GABPB1: variants seen among roughly 807,000 people sequenced by gnomAD.
The protein encoded by GABPB1 is GA binding protein transcription factor subunit beta 1, also known as GA-binding protein subunit beta-1.
A neutral mutation model predicts 45.9 loss-of-function variants in GABPB1; 15 were observed. That is an observed-to-expected ratio of 0.33 (90% CI 0.22 to 0.50). The LOEUF (loss-of-function observed/expected upper bound fraction) is 0.50, where lower values mean the gene tolerates loss of function less well. Ranked by LOEUF, GABPB1 falls within the 20% of genes least tolerant of loss-of-function variation. GABPB1 has a pLI of 0.98. For missense variants in GABPB1, 252 were observed against 457.5 expected (o/e 0.55, Z 4.10); for synonymous variants, 143 against 154.4 (o/e 0.93, Z 0.55).
chr15:50,284,401 TCAAAA>T (rs1253589076), intron 8 of GABPB1, among the ~76,000 whole-genome samples: 1 of 152,110 alleles, frequency 6.6e-6, no homozygotes, highest in Non-Finnish European at 1.5e-5. Flanking sequence ...ATTACTAAAA[TCAAAA>T]CAAAGCAAGC....
intron 1 of GABPB1, chr15:50,350,436 C>T (rs2048776986): frequency 1.3e-5 from 2 of 149,876 alleles, no homozygotes; most frequent in African/African-American, 2.5e-5. Context: ...AGGGAATTTC[C>T]ATGTCAGAAG....
chr15:50,292,206 C>T (rs1156971550), intron 6 of GABPB1, among the ~76,000 whole-genome samples: 2 of 146,782 alleles, frequency 1.4e-5, no homozygotes, highest in African/African-American at 2.5e-5. Flanking sequence ...CCCAGCTACT[C>T]GGGAGGCTGA....
At chr15:50,353,773 TGA>T (rs1434075617) in intron 1 of GABPB1, 15 of 152,454 alleles carry the variant, frequency 9.8e-5, no homozygotes, top group African/African-American at 3.1e-4. Context: ...GCATAATAAA[TGA>T]GAGTGGATCT....
intron 1 of GABPB1, among the ~76,000 whole-genome samples, chr15:50,331,852 C>T (rs1026558183): frequency 2.0e-5 from 3 of 150,886 alleles, no homozygotes; most frequent in Non-Finnish European, 4.4e-5. Flanking sequence ...CCATTTGTCC[C>T]GTTCAGTTTT....
chr15:50,323,352 A>T (rs1023957025), intron 1 of GABPB1, among the ~76,000 whole-genome samples: 4 of 152,154 alleles, frequency 2.6e-5, no homozygotes, highest in African/African-American at 9.7e-5. Flanking sequence ...AAAACCAATC[A>T]TAATTAATAG....
chr15:50,290,270 G>A (rs1203634845), intron 6 of GABPB1, among the ~76,000 whole-genome samples: 3 of 152,122 alleles, frequency 2.0e-5, no homozygotes, highest in Non-Finnish European at 4.4e-5. Flanking sequence ...CTAATATCAT[G>A]ACAAAGGTTA....
Position 50,283,517 on chromosome 15 carries a change from T to C in GABPB1, c.999+2551A>G, listed in dbSNP as rs534737606. 3.4e-5 allele frequency among the ~76,000 whole-genome samples: 5 copies of C among 147,944 alleles called. No homozygotes were observed. The East Asian group carries it at 5.9e-4, about 17-fold the overall frequency. Reference sequence around the variant, plus strand: ...GTAAACATAAATTTTTAGCACCTTATTGTTTTTTTTTTTTCTTTTGTCTCA... The same window carrying C: ...GTAAACATAAATTTTTAGCACCTTACTGTTTTTTTTTTTTCTTTTGTCTCA... On this transcript the variant is annotated intron_variant, in intron 8 of 8. Transcript: ENST00000380877.
chr15:50,340,887 C>CATATGGTTTATTACAATATGTA (rs1567545791), intron 1 of GABPB1, among the ~76,000 whole-genome samples: 1 of 17,140 alleles, frequency 5.8e-5, no homozygotes, highest in African/African-American at 4.6e-4. Flanking sequence ...TGTAATATTA[C>CATATGGTTTATTACAATATGTA]ATATTACATA....
At chr15:50,288,999 A>G (rs1339391829) in intron 7 of GABPB1, among the ~76,000 whole-genome samples, 1 of 151,930 alleles carries the variant, frequency 6.6e-6, no homozygotes, top group Non-Finnish European at 1.5e-5. Flanking sequence ...CTAATTTTGA[A>G]TATTTTTTTT....
intron 8 of GABPB1, among the ~76,000 whole-genome samples, chr15:50,279,532 C>G (rs1377990158): frequency 1.3e-5 from 2 of 152,090 alleles, no homozygotes; most frequent in Non-Finnish European, 2.9e-5. Flanking sequence ...AAATTGAGAG[C>G]TGAAACACAA....
intron 1 of GABPB1, among the ~76,000 whole-genome samples, chr15:50,342,931 C>T (rs1375356783): frequency 2.0e-5 from 3 of 152,250 alleles, no homozygotes; most frequent in East Asian, 3.9e-4. Context: ...GATGGAGTCT[C>T]GCTCTGTCGC....
At chr15:50,310,527 A>G (rs1391573505) in intron 1 of GABPB1, among the ~76,000 whole-genome samples, 5 of 152,270 alleles carry the variant, frequency 3.3e-5, no homozygotes, top group Non-Finnish European at 4.4e-5. Flanking sequence ...TAAACTTAGC[A>G]TAAATTTTTT....
At chr15:50,304,646 G>A (rs1177475536) in intron 2 of GABPB1, among the ~76,000 whole-genome samples, 4 of 151,776 alleles carry the variant, frequency 2.6e-5, no homozygotes, top group African/African-American at 9.7e-5. Flanking sequence ...AGGAGGCAGA[G>A]GTTGCAGTGA....
chr15:50,294,976 A>G (rs1267267634), intron 6 of GABPB1, among the ~76,000 whole-genome samples: 1 of 152,230 alleles, frequency 6.6e-6, no homozygotes, highest in African/African-American at 2.4e-5. Context: ...ACAAGGAAGA[A>G]TAAAGCTAAG....
intron 6 of GABPB1, among the ~76,000 whole-genome samples, chr15:50,293,090 ATTACAAAAAGTGTAATT>A (rs892174630): frequency 6.6e-6 from 1 of 151,966 alleles, no homozygotes; most frequent in African/African-American, 2.4e-5. Flanking sequence ...CAAAAGTGCA[ATTACAAAAAGTGTAATT>A]TTACAAAAAG....
At chr15:50,335,417 A>C (rs1567538988) in intron 1 of GABPB1, among the ~76,000 whole-genome samples, 1 of 152,114 alleles carries the variant, frequency 6.6e-6, no homozygotes, top group Non-Finnish European at 1.5e-5. Context: ...CAGAAACCTA[A>C]ATTTCTTGAT....
intron 6 of GABPB1, among the ~76,000 whole-genome samples, chr15:50,291,059 A>G (rs374185083): frequency 2.6e-5 from 4 of 152,230 alleles, no homozygotes; most frequent in South Asian, 4.1e-4. Flanking sequence ...AAACACAGCA[A>G]TTTGACTATA....
intron 7 of GABPB1, among the ~76,000 whole-genome samples, chr15:50,288,581 C>A (rs1052806326): frequency 3.9e-5 from 6 of 152,150 alleles, no homozygotes; most frequent in Non-Finnish European, 1.5e-5. Context: ...CCTTGATGCA[C>A]CAGTGTGGAT....
chr15:50,300,055 T>A (rs2046672703), intron 6 of GABPB1, among the ~76,000 whole-genome samples: 1 of 152,128 alleles, frequency 6.6e-6, no homozygotes, highest in Admixed American at 6.5e-5. Context: ...AATCCACCTA[T>A]CTTGGCCTCT....
Sources: gnomAD v4.1 joint callset for allele counts (sites outside exome capture counted in the v4.1 genomes callset) on GRCh38, gnomAD v4.1.1 for gene constraint, MANE v1.5 for transcripts, NCBI Gene and HGNC (gene_info 2026-07-23, HGNC 2026-07-21) for gene names.